DPP6: variants seen among roughly 807,000 people sequenced by gnomAD.
DPP6 encodes the protein A-type potassium channel modulatory protein DPP6.
DPP6 carries 69 observed loss-of-function variants against 122.6 expected under a neutral mutation model. That is an observed-to-expected ratio of 0.56 (90% CI 0.46 to 0.69). DPP6 has a LOEUF of 0.69. DPP6 is among the 30% of genes least tolerant of loss of function. DPP6 has a pLI of 0.00. For synonymous variants in DPP6, 418 were observed against 433.1 expected, an observed-to-expected ratio of 0.97 and a Z score of 0.43; for missense variants, 928 against 1,116.9, an observed-to-expected ratio of 0.83 and a Z score of 2.41.
chr7:154,302,914 G>T (rs1806004184), intron 1 of DPP6, among the ~76,000 whole-genome samples: 1 of 152,188 alleles, frequency 6.6e-6, no homozygotes, highest in South Asian at 2.1e-4. Context: ...GGTTAGCAAT[G>T]AATCCTTCCT....
At chr7:154,763,890 G>A (rs981163501) in intron 8 of DPP6, among the ~76,000 whole-genome samples, 8 of 152,026 alleles carry the variant, frequency 5.3e-5, no homozygotes, top group African/African-American at 1.9e-4. Flanking sequence ...CCTCACTCCC[G>A]GCCTCCCTTT....
chr7:154,105,436 A>G lies in DPP6; in HGVS notation c.243+52373A>G, dbSNP rs558872581. ...TGTGTGACCAGAGCCTTGGCTGCAA[A>G]TAACGACCAGCCTTTCCTCATCACC... On this transcript the variant is annotated intron_variant, in intron 1 of 25. Transcript: ENST00000377770. Among the ~76,000 whole-genome samples the G allele has an allele frequency of 1.4e-4, 22 of 152,312 alleles. 1 individual carries two copies. The East Asian group carries it at 2.3e-3, about 16-fold the overall frequency.
At chr7:154,190,869 G>A (rs1284936609) in intron 1 of DPP6, among the ~76,000 whole-genome samples, 2 of 152,156 alleles carry the variant, frequency 1.3e-5, no homozygotes, top group Non-Finnish European at 2.9e-5. Flanking sequence ...TATTTTAGAA[G>A]CTTGCTTTGC....
At chr7:154,139,635 C>T (rs1438003905) in intron 1 of DPP6, among the ~76,000 whole-genome samples, 3 of 151,570 alleles carry the variant, frequency 2.0e-5, no homozygotes, top group Non-Finnish European at 4.4e-5. Flanking sequence ...GCTTCCTGTG[C>T]GGAGGGCACC....
intron 7 of DPP6, among the ~76,000 whole-genome samples, chr7:154,719,925 C>A (rs1841707180): frequency 6.6e-6 from 1 of 152,194 alleles, no homozygotes; most frequent in Non-Finnish European, 1.5e-5. Context: ...TGCCAGGGAC[C>A]AGACTGGAGA....
At chr7:154,831,004 C>T (rs1001523539) in intron 16 of DPP6, among the ~76,000 whole-genome samples, 2 of 152,208 alleles carry the variant, frequency 1.3e-5, no homozygotes. Flanking sequence ...CTACCACGGA[C>T]TCTGTTCTTG....
chr7:154,053,155 G>A (rs886738321), intron 1 of DPP6, 92 bp downstream of exon 1: 12 of 801,526 alleles, frequency 1.5e-5, no homozygotes, highest in Non-Finnish European at 1.8e-5. Flanking sequence ...TTTTTGGGGG[G>A]GGAATCAGGC....
At chr7:154,044,202 T>C (rs1241000602) in intron 1 of DPP6, among the ~76,000 whole-genome samples, 2 of 152,250 alleles carry the variant, frequency 1.3e-5, no homozygotes, top group Admixed American at 6.5e-5. Flanking sequence ...AATTACTTTT[T>C]TGATTACCAA....
intron 5 of DPP6, among the ~76,000 whole-genome samples, chr7:154,629,187 C>T (rs766124096): frequency 3.9e-5 from 6 of 152,098 alleles, no homozygotes; most frequent in East Asian, 3.8e-4. Context: ...TAGCACCTAA[C>T]GGAACTTCTT....
At chr7:154,576,186 C>G (rs1036001651) in intron 5 of DPP6, among the ~76,000 whole-genome samples, 54 of 152,102 alleles carry the variant, frequency 3.6e-4, no homozygotes, top group Non-Finnish European at 6.5e-4. Flanking sequence ...GTGCCCCCAT[C>G]CCGCTGGTCT....
At chr7:154,209,013 A>G (rs1353246783) in intron 1 of DPP6, among the ~76,000 whole-genome samples, 3 of 152,212 alleles carry the variant, frequency 2.0e-5, no homozygotes, top group Non-Finnish European at 4.4e-5. Flanking sequence ...CCTCCCAAAA[A>G]TTTAAGAACG....
At chr7:154,267,637 T>C (rs1380012274) in intron 1 of DPP6, among the ~76,000 whole-genome samples, 2 of 150,862 alleles carry the variant, frequency 1.3e-5, no homozygotes, top group South Asian at 2.1e-4. Flanking sequence ...CACATATACA[T>C]GCACACATAT....
intron 1 of DPP6, among the ~76,000 whole-genome samples, chr7:154,146,837 C>T (rs1311111507): frequency 6.6e-6 from 1 of 151,968 alleles, no homozygotes; most frequent in Non-Finnish European, 1.5e-5. Context: ...GGGCCCTGCT[C>T]CCCTGGGTGC....
intron 1 of DPP6, among the ~76,000 whole-genome samples, chr7:154,214,229 AT>A (rs1426301252): frequency 6.6e-6 from 1 of 152,224 alleles, no homozygotes; most frequent in African/African-American, 2.4e-5. Flanking sequence ...GCTCTCGAAA[AT>A]TTCAGCAACC....
intron 5 of DPP6, chr7:154,588,258 G>C: frequency 1.7e-6 from 2 of 1,163,110 alleles, no homozygotes; most frequent in Non-Finnish European, 2.3e-6. Flanking sequence ...CAAATGGCCT[G>C]TTCTCAGAGA....
intron 1 of DPP6, chr7:154,305,571 T>C: frequency 3.1e-6 from 5 of 1,588,150 alleles, no homozygotes; most frequent in South Asian, 1.2e-5. Flanking sequence ...CTTTTGGGGG[T>C]CCGTGTGTGT....
At chr7:154,754,621 T>A (rs1275613043) in intron 8 of DPP6, among the ~76,000 whole-genome samples, 1 of 152,196 alleles carries the variant, frequency 6.6e-6, no homozygotes, top group African/African-American at 2.4e-5. Flanking sequence ...AAAGTCAGTC[T>A]CAGTATAATT....
At position 154,807,015 on chromosome 7, in the gene DPP6, C is replaced by G. The variant is rs903097110; in HGVS notation, c.1569C>G (p.Phe523Leu). Reference protein sequence around the residue: ...QLYSANTVGNFNRQCLSCDLV... With the variant: ...QLYSANTVGNLNRQCLSCDLV... ...CCAGTGCCAACACGGTGGGCAACTT[C>G]AACAGGCAGTGCCTCTCCTGTGACC... Residue 523 changes from phenylalanine to leucine, a missense_variant, in exon 16 of 26, where the codon TTC becomes TTG. Coordinates refer to ENST00000377770, the MANE Select transcript of DPP6 (RefSeq NM_130797.4). 1 of 1,613,802 alleles carries G rather than the reference C, an allele frequency of 6.2e-7. No individual in the cohort carries two copies. The highest frequency in any genetic ancestry group is 1.3e-5 in the African/African-American group (1 of 74,946).
intron 1 of DPP6, among the ~76,000 whole-genome samples, chr7:154,386,355 C>G (rs1401591208): frequency 2.6e-5 from 4 of 151,804 alleles, no homozygotes; most frequent in African/African-American, 9.7e-5. Context: ...GAGGAGGTCA[C>G]TTGGATCGAG....
Sources: allele counts gnomAD v4.1 joint callset (sites outside exome capture counted in the v4.1 genomes callset), GRCh38; gene constraint gnomAD v4.1.1; transcripts MANE v1.5; gene names NCBI Gene and HGNC (gene_info 2026-07-23, HGNC 2026-07-21).